Variants in SEC24D observed in about 807,000 individuals in gnomAD.
SEC24D encodes the protein SEC24 homolog D, COPII component.
A neutral mutation model predicts 116.9 loss-of-function variants in SEC24D; 69 were observed. The ratio of observed to expected loss-of-function variants is 0.59; its 90% CI spans 0.49 to 0.72. The LOEUF (loss-of-function observed/expected upper bound fraction) is 0.72, where lower values mean the gene tolerates loss of function less well. SEC24D is among the 30% of genes least tolerant of loss of function. The pLI, the probability that SEC24D is intolerant of heterozygous loss-of-function variation, is 0.00. For missense variants in SEC24D, 1,131 were observed against 1,264.1 expected (o/e 0.89, Z 1.60); for synonymous variants, 405 against 442.8 (o/e 0.91, Z 1.07).
intron 13 of SEC24D, among the ~76,000 whole-genome samples, chr4:118,748,061 C>A (rs1336128932): frequency 2.0e-5 from 3 of 152,032 alleles, no homozygotes; most frequent in Non-Finnish European, 4.4e-5. Flanking sequence ...GTCAGGAGAT[C>A]AAGATCATCC....
chr4:118,745,062 TA>T lies in SEC24D; in HGVS notation c.1708-3del, dbSNP rs35951660. On this transcript the variant is annotated splice_region_variant and splice_polypyrimidine_tract_variant and intron_variant, in intron 13 of 22. Coordinates refer to ENST00000280551, the MANE Select transcript of SEC24D (RefSeq NM_014822.4). ...CAGCTTCCCAGGACAGTCTGCTGCC[TA>T]AAAAAAAAAAAAAACCCAAAAACCC... 0.12 allele frequency: 141,316 copies of T among 1,156,570 alleles called. 1 individual carries two copies. The highest frequency in any genetic ancestry group is 0.13 in the Non-Finnish European group (107,636 of 855,146). The allele number at this position is 1,156,570 out of a possible 1,614,324, so 71.6% of individuals were successfully genotyped here. A position where few individuals can be genotyped will look rare whatever the true frequency, so the allele number is the denominator to read the frequency against.
At chr4:118,762,289 G>C (rs564689524) in intron 10 of SEC24D, among the ~76,000 whole-genome samples, 2 of 152,156 alleles carry the variant, frequency 1.3e-5, no homozygotes, top group South Asian at 4.2e-4. Flanking sequence ...GTACTGATTA[G>C]AGAATAGGGC....
intron 12 of SEC24D, 31 bp downstream of exon 12, chr4:118,752,666 A>G: frequency 6.7e-7 from 1 of 1,493,816 alleles, no homozygotes; most frequent in Non-Finnish European, 9.1e-7. Flanking sequence ...CACCTGATTT[A>G]CTTTTAAATT....
chr4:118,758,228 A>G (rs772747921), intron 10 of SEC24D, among the ~76,000 whole-genome samples: 2 of 152,306 alleles, frequency 1.3e-5, no homozygotes, highest in South Asian at 2.1e-4. Context: ...CTAAAAAATT[A>G]TGCTAAAAAA....
chr4:118,819,278 T>A (rs1228496708), intron 3 of SEC24D, among the ~76,000 whole-genome samples: 1 of 152,166 alleles, frequency 6.6e-6, no homozygotes, highest in Non-Finnish European at 1.5e-5. Flanking sequence ...ATGCTTGTAA[T>A]TCCAGCACTT....
chr4:118,742,375 G>C (rs1028514207), intron 15 of SEC24D, among the ~76,000 whole-genome samples: 5 of 151,466 alleles, frequency 3.3e-5, no homozygotes, highest in South Asian at 4.2e-4. Context: ...TGGAAAAGTG[G>C]GGGGGGGAAA....
In SEC24D at chr4:118,814,625, T is replaced by C. The variant is rs549152671; in HGVS notation, c.801+403A>G. On this transcript the variant is annotated intron_variant, in intron 6 of 22. Coordinates refer to ENST00000280551, the MANE Select transcript of SEC24D (RefSeq NM_014822.4). ...TTTTTATTGTGCAAGATGTAAAATATACTTTCAGTCTCTATGGGTTTCTCT... is the reference window on the plus strand; with the variant it reads ...TTTTTATTGTGCAAGATGTAAAATACACTTTCAGTCTCTATGGGTTTCTCT... Among the ~76,000 whole-genome samples, 14 of 152,322 alleles carry C rather than the reference T, an allele frequency of 9.2e-5. No individual in the cohort carries two copies. The South Asian group carries it at 1.7e-3, about 18-fold the overall frequency.
In SEC24D at chr4:118,787,417, C is replaced by G. The variant is rs558948834; in HGVS notation, c.1041+10266G>C. Among the ~76,000 whole-genome samples, 6 of 152,176 alleles carry G rather than the reference C, an allele frequency of 3.9e-5. 1 individual carries two copies. The South Asian group carries it at 1.2e-3, about 32-fold the overall frequency. On this transcript the variant is annotated intron_variant, in intron 8 of 22. Coordinates refer to ENST00000280551, the MANE Select transcript of SEC24D (RefSeq NM_014822.4). Reference sequence around the variant, plus strand: ...GTTCTTTACAGGCCATGATATCATACAGTAATCAGTTTAATTTCAGAGCAT... The same window carrying G: ...GTTCTTTACAGGCCATGATATCATAGAGTAATCAGTTTAATTTCAGAGCAT...
rs763670327 is a variant in SEC24D at position 118,744,107 on chromosome 4, C to G, written c.1876G>C (p.Val626Leu). 6.2e-7 allele frequency: 1 copy of G among 1,612,896 alleles called. No individual in the cohort carries two copies. Among genetic ancestry groups the G allele is most frequent in the Non-Finnish European group, 8.5e-7 (1 of 1,179,408 alleles). The change falls in exon 15 of 23, where the codon GTG (valine) becomes CTG (leucine). Residue 626 changes from valine to leucine, a missense_variant. Coordinates refer to ENST00000280551, the MANE Select transcript of SEC24D (RefSeq NM_014822.4). Reference protein sequence around the residue: ...NVYDSLAKDCVAHGCSVTLFL... With the variant: ...NVYDSLAKDCLAHGCSVTLFL... Reference sequence around the variant, plus strand: ...AGTGTCACAGAGCAGCCGTGAGCCACGCAGTCCTTGGCCAATGAGTCATAG... The same window carrying G: ...AGTGTCACAGAGCAGCCGTGAGCCAGGCAGTCCTTGGCCAATGAGTCATAG...
At position 118,797,764 on chromosome 4, in the gene SEC24D, T is replaced by A; in HGVS notation, c.960A>T (p.Pro320=). The change falls in exon 8 of 23, where the codon CCA becomes CCT. Residue 320 remains proline (P), a synonymous_variant. Transcript: ENST00000280551. ...CTTGCTTAGCCATATCTGACGTGCA[T>A]GGAAAACAGTATGTTGTACAACGGA... ...RFIRCTTYCF[P]CTSDMAKQAQ... 6.2e-7 allele frequency: 1 copy of A among 1,611,698 alleles called. No individual in the cohort carries two copies. Among genetic ancestry groups the A allele is most frequent in the Non-Finnish European group, 8.5e-7 (1 of 1,178,256 alleles).
chr4:118,825,683 G>A, intron 2 of SEC24D: 2 of 415,894 alleles, frequency 4.8e-6, no homozygotes, highest in South Asian at 3.5e-5. Context: ...AAGAAAAAAA[G>A]AGAAAAGAAA....
intron 3 of SEC24D, among the ~76,000 whole-genome samples, chr4:118,823,933 T>C (rs1730497070): frequency 1.3e-5 from 2 of 152,126 alleles, no homozygotes; most frequent in Admixed American, 6.5e-5. Context: ...TAAGCACCCA[T>C]TGGCACTGAG....
At chr4:118,787,309 C>T (rs1728696395) in intron 8 of SEC24D, among the ~76,000 whole-genome samples, 1 of 152,042 alleles carries the variant, frequency 6.6e-6, no homozygotes, top group South Asian at 2.1e-4. Context: ...TTAAAGCAGA[C>T]AAGATGATGA....
At chr4:118,763,326 C>A (rs1184594921) in intron 10 of SEC24D, among the ~76,000 whole-genome samples, 1 of 151,924 alleles carries the variant, frequency 6.6e-6, no homozygotes, top group Non-Finnish European at 1.5e-5. Flanking sequence ...AAAATAAATG[C>A]AATAAGTTAT....
intron 2 of SEC24D, chr4:118,825,573 A>G (rs1730563616): frequency 2.2e-6 from 1 of 456,170 alleles, no homozygotes; most frequent in Non-Finnish European, 4.4e-6. Context: ...TATTAGTTGT[A>G]TGAACCTGGG....
In SEC24D at chr4:118,723,575, G is replaced by A; in HGVS notation, c.3039C>T (p.Gly1013=). 1 of 1,613,774 alleles carries A rather than the reference G, an allele frequency of 6.2e-7. No homozygotes were observed. Among genetic ancestry groups the A allele is most frequent in the Non-Finnish European group, 8.5e-7 (1 of 1,179,798 alleles). The part of the protein sequence containing the change: ...FLVEDKGLYG[G]SSYVDFLCCV... ...AACAAAGGAAATCCACATAAGAAGA[G>A]CCTCCGTAAAGTCCTTTGTCTTCTA... Residue 1013 remains glycine (G), a synonymous_variant, in exon 23 of 23, where the codon GGC becomes GGT. Coordinates refer to ENST00000280551, the MANE Select transcript of SEC24D (RefSeq NM_014822.4).
At chr4:118,788,139 A>C (rs2110494293) in intron 8 of SEC24D, among the ~76,000 whole-genome samples, 1 of 152,314 alleles carries the variant, frequency 6.6e-6, no homozygotes, top group African/African-American at 2.4e-5. Context: ...TTTTAAATGA[A>C]TAATATAATA....
intron 3 of SEC24D, among the ~76,000 whole-genome samples, chr4:118,821,035 T>C (rs1730379748): frequency 6.6e-6 from 1 of 152,212 alleles, no homozygotes; most frequent in African/African-American, 2.4e-5. Flanking sequence ...AAATGAGATG[T>C]ATGCTGAAGT....
At chr4:118,740,214 C>T (rs1300583178) in intron 17 of SEC24D, among the ~76,000 whole-genome samples, 1 of 152,178 alleles carries the variant, frequency 6.6e-6, no homozygotes, top group African/African-American at 2.4e-5. Flanking sequence ...AGATCCTTCC[C>T]TCTAGGCCCT....
Sources: gnomAD v4.1 joint callset for allele counts (sites outside exome capture counted in the v4.1 genomes callset) on GRCh38, gnomAD v4.1.1 for gene constraint, MANE v1.5 for transcripts, NCBI Gene and HGNC (gene_info 2026-07-23, HGNC 2026-07-21) for gene names.